KIF26B: variants seen among roughly 807,000 people sequenced by gnomAD.
KIF26B encodes kinesin-like protein KIF26B.
In KIF26B, 63 loss-of-function variants were observed where a neutral mutation model predicts 151.2. The ratio of observed to expected loss-of-function variants is 0.42; its 90% CI spans 0.34 to 0.51. The LOEUF (loss-of-function observed/expected upper bound fraction) is 0.51. Ranked by LOEUF, KIF26B falls within the 20% of genes least tolerant of loss-of-function variation. The pLI is 0.07. For synonymous variants in KIF26B, 1,357 were observed against 1,262.1 expected (o/e 1.08, Z -1.59); for missense variants, 2,813 against 2,913.6 (o/e 0.97, Z 0.79).
At chr1:245,408,966 A>AATGGTGATAATG (rs1255994054) in intron 3 of KIF26B, among the ~76,000 whole-genome samples, 2 of 152,226 alleles carry the variant, frequency 1.3e-5, no homozygotes, top group African/African-American at 2.4e-5. Flanking sequence ...CAAAAGTGGC[A>AATGGTGATAATG]ATGGTGATAA....
chr1:245,611,469 G>C (rs537834302), intron 8 of KIF26B, among the ~76,000 whole-genome samples: 1 of 152,088 alleles, frequency 6.6e-6, no homozygotes, highest in Non-Finnish European at 1.5e-5. Flanking sequence ...TTGGTTTGCC[G>C]CCCTCTGCAG....
intron 4 of KIF26B, among the ~76,000 whole-genome samples, chr1:245,491,838 G>C (rs1390303306): frequency 6.6e-6 from 1 of 152,074 alleles, no homozygotes; most frequent in East Asian, 1.9e-4. Context: ...AACCTGGGAG[G>C]TGGAGGTTGC....
intron 2 of KIF26B, among the ~76,000 whole-genome samples, chr1:245,201,580 A>T (rs1669301678): frequency 6.6e-6 from 1 of 152,246 alleles, no homozygotes; most frequent in Non-Finnish European, 1.5e-5. Flanking sequence ...GAGGCAGAGG[A>T]TAACTACAAT....
intron 2 of KIF26B, among the ~76,000 whole-genome samples, chr1:245,362,421 C>T (rs976570323): frequency 2.6e-5 from 4 of 151,300 alleles, no homozygotes; most frequent in Non-Finnish European, 5.9e-5. Flanking sequence ...GCCTGTAGTC[C>T]CAGCTACTCA....
At chr1:245,509,438 C>T (rs1660787446) in intron 4 of KIF26B, among the ~76,000 whole-genome samples, 2 of 152,178 alleles carry the variant, frequency 1.3e-5, no homozygotes, top group Non-Finnish European at 2.9e-5. Flanking sequence ...GATTCTTCTC[C>T]CTCCTCATTC....
chr1:245,198,969 CGCTGA>C (rs1172148585), intron 2 of KIF26B, among the ~76,000 whole-genome samples: 4 of 69,776 alleles, frequency 5.7e-5, no homozygotes, highest in Non-Finnish European at 1.2e-4. Context: ...AGAGTGTGGC[CGCTGA>C]GCTGAGCTGA....
At chr1:245,243,030 C>T (rs1670240298) in intron 2 of KIF26B, among the ~76,000 whole-genome samples, 1 of 152,148 alleles carries the variant, frequency 6.6e-6, no homozygotes. Flanking sequence ...TGTGTGCATT[C>T]TTGCATATGT....
At chr1:245,546,675 A>C (rs1661749050) in intron 5 of KIF26B, among the ~76,000 whole-genome samples, 1 of 152,214 alleles carries the variant, frequency 6.6e-6, no homozygotes, top group Admixed American at 6.5e-5. Flanking sequence ...ATCCCACTAC[A>C]CTCACAACTT....
At chr1:245,411,903 G>A (rs777000068) in intron 3 of KIF26B, among the ~76,000 whole-genome samples, 4 of 152,200 alleles carry the variant, frequency 2.6e-5, no homozygotes, top group Admixed American at 1.3e-4. Flanking sequence ...GTCCATCATC[G>A]TCAGCTTTCT....
intron 2 of KIF26B, among the ~76,000 whole-genome samples, chr1:245,209,922 C>T (rs980243024): frequency 2.0e-5 from 3 of 152,218 alleles, no homozygotes; most frequent in African/African-American, 2.4e-5. Context: ...AAACTACACC[C>T]GTAAGAAGAT....
chr1:245,687,880 T>C lies in KIF26B; in HGVS notation c.4897T>C (p.Phe1633Leu), dbSNP rs1047004028. The change falls in exon 12 of 15, where the codon TTC becomes CTC. Residue 1633 changes from phenylalanine (F) to leucine (L), a missense_variant. By Grantham distance (22) the Phe-to-Leu change is conservative. Around this residue, in one of 3 missense-constraint regions of KIF26B, gnomAD observed 2,060 missense variants for 2,088.6 expected, o/e 0.99. Coordinates refer to ENST00000407071, the MANE Select transcript of KIF26B (RefSeq NM_018012.4). The surrounding 1 kb of genome is among the most constrained non-coding windows in gnomAD (Gnocchi z 4.9). The stretch of plus-strand genomic sequence containing the variant: ...CAGCCCCCTGAACCAACCAGCCGCC[T>C]TCCCGGCGGGCCTCCCAGACGAGCC... ...TSSPLNQPAAFPAGLPDEPSG... is the reference protein window; with the variant it reads ...TSSPLNQPAALPAGLPDEPSG... 2 of 1,592,812 alleles carry C rather than the reference T, an allele frequency of 1.3e-6. No individual in the cohort carries two copies. Among genetic ancestry groups the C allele is most frequent in the Non-Finnish European group, 1.7e-6 (2 of 1,171,070 alleles).
At chr1:245,566,076 G>T (rs1024109288) in intron 5 of KIF26B, among the ~76,000 whole-genome samples, 2 of 152,188 alleles carry the variant, frequency 1.3e-5, no homozygotes, top group African/African-American at 4.8e-5. Context: ...CATTCATAAG[G>T]GATCTGCGGC....
intron 10 of KIF26B, among the ~76,000 whole-genome samples, chr1:245,678,686 A>AC (rs2044387628): frequency 6.6e-6 from 1 of 151,764 alleles, no homozygotes; most frequent in Non-Finnish European, 1.5e-5. Flanking sequence ...ACATGGTGAA[A>AC]TCCCGTCTCT....
At chr1:245,207,282 C>T (rs759761231) in intron 2 of KIF26B, among the ~76,000 whole-genome samples, 16 of 152,328 alleles carry the variant, frequency 1.1e-4, no homozygotes, top group East Asian at 1.9e-4. Flanking sequence ...CTGGTTGCCA[C>T]GAGAGCACAC....
intron 2 of KIF26B, among the ~76,000 whole-genome samples, chr1:245,339,063 C>T (rs1411608617): frequency 1.3e-5 from 2 of 151,840 alleles, no homozygotes; most frequent in Admixed American, 6.6e-5. Flanking sequence ...CTGCCACCTC[C>T]GTGTCCTGGG....
chr1:245,158,113 T>C (rs1364761585), intron 2 of KIF26B, among the ~76,000 whole-genome samples: 1 of 152,192 alleles, frequency 6.6e-6, no homozygotes, highest in Non-Finnish European at 1.5e-5. Context: ...CTGATAAAGA[T>C]GGAAGGACCT....
chr1:245,556,110 G>C (rs1662018062), intron 5 of KIF26B, among the ~76,000 whole-genome samples: 1 of 152,186 alleles, frequency 6.6e-6, no homozygotes, highest in Admixed American at 6.5e-5. Flanking sequence ...TCTTACGTCT[G>C]CCTGGCAATG....
Position 245,470,169 on chromosome 1 carries a change from T to A in KIF26B, c.1166+50424T>A, listed in dbSNP as rs1352968811. 3.9e-5 allele frequency among the ~76,000 whole-genome samples: 6 copies of A among 152,136 alleles called. No homozygotes were observed. The East Asian group carries it at 9.7e-4, about 25-fold the overall frequency. On this transcript the variant is annotated intron_variant, in intron 4 of 14. Coordinates refer to ENST00000407071, the MANE Select transcript of KIF26B (RefSeq NM_018012.4). ...AAGATGGGTCTGATTGGAGGTGACG[T>A]TGACACCCAGACTTAGATTCTAAGG...
chr1:245,321,725 G>A (rs555126459), intron 2 of KIF26B, among the ~76,000 whole-genome samples: 1 of 152,316 alleles, frequency 6.6e-6, no homozygotes, highest in South Asian at 2.1e-4. Flanking sequence ...TTGAGATGCT[G>A]CTGATTGAGC....
Sources: allele counts gnomAD v4.1 joint callset (sites outside exome capture counted in the v4.1 genomes callset), GRCh38; gene constraint gnomAD v4.1.1; regional missense constraint gnomAD v4.1.1; non-coding constraint Gnocchi (gnomAD v3.1); transcripts MANE v1.5; gene names NCBI Gene and HGNC (gene_info 2026-07-23, HGNC 2026-07-21).